Variants in LRRC4C observed in about 807,000 individuals in gnomAD.
LRRC4C encodes leucine rich repeat containing 4C.
Under a neutral mutation model 33.6 loss-of-function variants are expected in LRRC4C, and 5 were observed. The observed-to-expected ratio is 0.15, with a 90% CI of 0.08 to 0.31. The LOEUF is 0.31. Among genes scored for constraint, LRRC4C ranks in the 10% least tolerant of loss-of-function variants. The pLI, the probability that LRRC4C is intolerant of heterozygous loss-of-function variation, is 1.00. For missense variants in LRRC4C, 560 were observed against 796.7 expected, an observed-to-expected ratio of 0.70 and a Z score of 3.58; for synonymous variants, 329 against 302.0, an observed-to-expected ratio of 1.09 and a Z score of -0.93.
chr11:40,235,746 G>A (rs1047331459), intron 5 of LRRC4C, among the ~76,000 whole-genome samples: 4 of 152,060 alleles, frequency 2.6e-5, no homozygotes, highest in Non-Finnish European at 4.4e-5. Flanking sequence ...TAATACAAAA[G>A]TATTAACAGA....
Position 41,205,991 on chromosome 11 carries a change from A to G in LRRC4C, c.-496+253440T>C, listed in dbSNP as rs151022028. ...GCCAGTGTTTCTACACTGAAGTAGTATACTATAGATATGTCAAGGAAAACC... is the reference window on the plus strand; with the variant it reads ...GCCAGTGTTTCTACACTGAAGTAGTGTACTATAGATATGTCAAGGAAAACC... On this transcript the variant is annotated intron_variant, in intron 1 of 6. Transcript: ENST00000528697. Among the ~76,000 whole-genome samples, 552 of 152,308 alleles carry G rather than the reference A, an allele frequency of 3.6e-3. 14 individuals are homozygous for G. Among genetic ancestry groups the G allele is most frequent in the Admixed American group, 0.031 (468 of 15,288 alleles).
At chr11:41,293,803 G>T (rs977202009) in intron 1 of LRRC4C, among the ~76,000 whole-genome samples, 54 of 152,132 alleles carry the variant, frequency 3.5e-4, no homozygotes, top group African/African-American at 1.3e-3. Context: ...CACCACGTAT[G>T]CCAGGCTTGT....
At chr11:41,422,128 T>C (rs1954890678) in intron 1 of LRRC4C, among the ~76,000 whole-genome samples, 1 of 152,010 alleles carries the variant, frequency 6.6e-6, no homozygotes, top group Admixed American at 6.6e-5. Context: ...GAGTAATAAC[T>C]AAAGGGTTGG....
chr11:41,087,822 A>G (rs1221298563), intron 1 of LRRC4C, among the ~76,000 whole-genome samples: 5 of 152,292 alleles, frequency 3.3e-5, no homozygotes, highest in South Asian at 2.1e-4. Flanking sequence ...GATTGTTAAC[A>G]TTAAATAATG....
intron 1 of LRRC4C, among the ~76,000 whole-genome samples, chr11:41,324,628 G>A (rs1344034141): frequency 6.6e-6 from 1 of 152,164 alleles, no homozygotes; most frequent in Non-Finnish European, 1.5e-5. Flanking sequence ...TTTCTAAAAT[G>A]TTCTCCAGAT....
At chr11:40,594,272 G>C (rs1250987548) in intron 3 of LRRC4C, among the ~76,000 whole-genome samples, 1 of 152,216 alleles carries the variant, frequency 6.6e-6, no homozygotes, top group East Asian at 1.9e-4. Flanking sequence ...ATTATGCTGG[G>C]TTTTTTATGT....
chr11:40,400,269 C>A (rs1012195862), intron 3 of LRRC4C, among the ~76,000 whole-genome samples: 69 of 152,238 alleles, frequency 4.5e-4, no homozygotes, highest in African/African-American at 1.6e-3. Context: ...AGTGTGCAAA[C>A]TGGAGAGAGA....
intron 2 of LRRC4C, among the ~76,000 whole-genome samples, chr11:40,822,593 A>G (rs1342887266): frequency 6.6e-6 from 1 of 151,668 alleles, no homozygotes; most frequent in Non-Finnish European, 1.5e-5. Context: ...TCAGTTGGAA[A>G]GTTTGCAAAT....
chr11:40,693,872 C>T (rs895679473), intron 2 of LRRC4C, among the ~76,000 whole-genome samples: 3 of 152,078 alleles, frequency 2.0e-5, no homozygotes, highest in Non-Finnish European at 2.9e-5. Context: ...TTGACATTGC[C>T]AAAAGCCGCA....
chr11:41,062,455 C>A (rs1415231366), intron 1 of LRRC4C, among the ~76,000 whole-genome samples: 1 of 152,110 alleles, frequency 6.6e-6, no homozygotes, highest in Non-Finnish European at 1.5e-5. Context: ...AGTTTCCATT[C>A]AGTATTTTAA....
At chr11:40,563,976 G>A (rs752536120) in intron 3 of LRRC4C, among the ~76,000 whole-genome samples, 14 of 152,266 alleles carry the variant, frequency 9.2e-5, no homozygotes, top group African/African-American at 1.7e-4. Context: ...GTGCACGTAG[G>A]CTGGGGATAT....
chr11:41,098,389 G>A (rs1940953903), intron 1 of LRRC4C, among the ~76,000 whole-genome samples: 1 of 152,072 alleles, frequency 6.6e-6, no homozygotes, highest in African/African-American at 2.4e-5. Context: ...ATTATCTGAT[G>A]TCTCTTTTAT....
At chr11:41,068,217 A>G (rs1938403661) in intron 1 of LRRC4C, among the ~76,000 whole-genome samples, 1 of 152,094 alleles carries the variant, frequency 6.6e-6, no homozygotes, top group Non-Finnish European at 1.5e-5. Flanking sequence ...ACGTGGTGAA[A>G]CCCTGTGTCT....
chr11:41,070,237 C>G (rs938585478), intron 1 of LRRC4C, among the ~76,000 whole-genome samples: 9 of 152,096 alleles, frequency 5.9e-5, no homozygotes, highest in Non-Finnish European at 1.0e-4. Context: ...GAAACTGGAG[C>G]CCTTTTTTAC....
intron 4 of LRRC4C, among the ~76,000 whole-genome samples, chr11:40,310,113 C>T (rs2136742726): frequency 6.6e-6 from 1 of 152,156 alleles, no homozygotes; most frequent in South Asian, 2.1e-4. Context: ...CCCACTTCTC[C>T]ACTTATTTCC....
At chr11:40,758,931 A>G (rs992542240) in intron 2 of LRRC4C, among the ~76,000 whole-genome samples, 2 of 151,762 alleles carry the variant, frequency 1.3e-5, no homozygotes, top group South Asian at 2.1e-4. Flanking sequence ...TTACAGGCTC[A>G]GTAACCACTA....
At chr11:40,480,885 C>G (rs1278179477) in intron 3 of LRRC4C, among the ~76,000 whole-genome samples, 1 of 151,762 alleles carries the variant, frequency 6.6e-6, no homozygotes. Flanking sequence ...AAAAGGCAAA[C>G]TCATAGAAGC....
intron 2 of LRRC4C, among the ~76,000 whole-genome samples, chr11:40,924,986 T>C (rs953469476): frequency 6.6e-6 from 1 of 152,146 alleles, no homozygotes; most frequent in Non-Finnish European, 1.5e-5. Context: ...GACTTTTTAT[T>C]TGTATTTCTC....
intron 1 of LRRC4C, among the ~76,000 whole-genome samples, chr11:41,081,562 G>T (rs973116490): frequency 2.0e-5 from 3 of 152,018 alleles, no homozygotes; most frequent in Admixed American, 2.0e-4. Flanking sequence ...AACAACCTTG[G>T]TTTCGGTTTA....
Sources: allele counts gnomAD v4.1 joint callset (sites outside exome capture counted in the v4.1 genomes callset), GRCh38; gene constraint gnomAD v4.1.1; transcripts MANE v1.5; gene names NCBI Gene and HGNC (gene_info 2026-07-23, HGNC 2026-07-21).